Variants in TSHZ3 observed in about 807,000 individuals in gnomAD.
TSHZ3 encodes teashirt homolog 3.
A neutral mutation model predicts 64.5 loss-of-function variants in TSHZ3; 10 were observed. That is an observed-to-expected ratio of 0.16 (90% CI 0.10 to 0.26). The LOEUF is 0.26. Ranked by LOEUF, TSHZ3 falls within the 10% of genes least tolerant of loss-of-function variation. The probability of loss-of-function intolerance (pLI) is 1.00; values close to 1 mark genes in which losing one functional copy is unlikely to be tolerated. For missense variants in TSHZ3, 1,242 were observed against 1,421.7 expected (o/e 0.87, Z 2.03); for synonymous variants, 608 against 593.1 (o/e 1.03, Z -0.36).
At chr19:31,286,359 GAAGCCC>G (rs1188822374) in intron 1 of TSHZ3, among the ~76,000 whole-genome samples, 1 of 152,168 alleles carries the variant, frequency 6.6e-6, no homozygotes, top group Non-Finnish European at 1.5e-5. Context: ...AACAACCTTG[GAAGCCC>G]ACATGATGGA....
At chr19:31,328,962 G>A (rs1916999900) in intron 1 of TSHZ3, among the ~76,000 whole-genome samples, 1 of 152,100 alleles carries the variant, frequency 6.6e-6, no homozygotes, top group Admixed American at 6.5e-5. Flanking sequence ...AATCTCACTT[G>A]CGGAAGAGTT....
intron 1 of TSHZ3, among the ~76,000 whole-genome samples, chr19:31,284,030 A>G (rs1356635901): frequency 6.6e-6 from 1 of 152,112 alleles, no homozygotes; most frequent in Non-Finnish European, 1.5e-5. Context: ...ATCACATGTG[A>G]CCTTGGGAAA....
chr19:31,339,120 C>A (rs1475452816), intron 1 of TSHZ3, among the ~76,000 whole-genome samples: 1 of 151,918 alleles, frequency 6.6e-6, no homozygotes, highest in East Asian at 1.9e-4. Flanking sequence ...AAGTCAGGAG[C>A]CCTGAGATTC....
chr19:31,223,953 C>T lies in TSHZ3; in HGVS notation n.686+4052G>A, dbSNP rs528789861. 8.9e-4 allele frequency among the ~76,000 whole-genome samples: 135 copies of T among 152,268 alleles called. No individual in the cohort carries two copies. In the South Asian group the frequency reaches 0.012, roughly 14 times the overall value. On this transcript the variant is annotated intron_variant and non_coding_transcript_variant, in intron 4 of 6. Transcript: ENST00000651361. Reference sequence around the variant, plus strand: ...GTGTTTACTCAGAGGAGGCTACTTGCGTCCAACTCCTTGCAGCTCTAACAT... The same window carrying T: ...GTGTTTACTCAGAGGAGGCTACTTGTGTCCAACTCCTTGCAGCTCTAACAT...
At chr19:31,262,361 T>C (rs1975991150) in intron 1 of TSHZ3, among the ~76,000 whole-genome samples, 1 of 152,224 alleles carries the variant, frequency 6.6e-6, no homozygotes, top group South Asian at 2.1e-4. Flanking sequence ...ATGTCTTGCT[T>C]CTTTTTCCAC....
chr19:31,228,778 A>G (rs1340863221), intron 3 of TSHZ3, among the ~76,000 whole-genome samples: 2 of 152,308 alleles, frequency 1.3e-5, no homozygotes, highest in Non-Finnish European at 2.9e-5. Flanking sequence ...GAGCCTGCAC[A>G]GAAGGATTGT....
At chr19:31,172,904 AG>A (rs1180564938) in intron 5 of TSHZ3, among the ~76,000 whole-genome samples, 1 of 152,210 alleles carries the variant, frequency 6.6e-6, no homozygotes, top group Non-Finnish European at 1.5e-5. Context: ...GCACAGCAGT[AG>A]GTCAGTGGGA....
At chr19:31,165,049 C>T (rs1785835904) in intron 5 of TSHZ3, among the ~76,000 whole-genome samples, 1 of 152,234 alleles carries the variant, frequency 6.6e-6, no homozygotes, top group Non-Finnish European at 1.5e-5. Context: ...TGTTCCTGCT[C>T]TGTGCAGGGA....
intron 1 of TSHZ3, among the ~76,000 whole-genome samples, chr19:31,291,083 C>T (rs56066850): frequency 1.3e-5 from 2 of 152,132 alleles, no homozygotes; most frequent in Non-Finnish European, 2.9e-5. Context: ...TAGCACAGCC[C>T]GAGTGGCCAG....
chr19:31,242,263 G>T (rs1381174571), intron 3 of TSHZ3, among the ~76,000 whole-genome samples: 1 of 152,120 alleles, frequency 6.6e-6, no homozygotes, highest in South Asian at 2.1e-4. Context: ...AAGGGAATTG[G>T]CTCACATGAT....
intron 4 of TSHZ3, among the ~76,000 whole-genome samples, chr19:31,209,480 C>A (rs112573079): frequency 2.6e-5 from 4 of 152,304 alleles, no homozygotes; most frequent in Admixed American, 1.3e-4. Flanking sequence ...AGTCTCATAA[C>A]CCACCCTAAG....
intron 1 of TSHZ3, among the ~76,000 whole-genome samples, chr19:31,312,082 C>T (rs946148994): frequency 2.0e-5 from 3 of 152,138 alleles, no homozygotes; most frequent in Admixed American, 6.6e-5. Flanking sequence ...TCTCAGTTTC[C>T]CCATCTGTAA....
chr19:31,217,095 C>T (rs1036328228), intron 4 of TSHZ3, among the ~76,000 whole-genome samples: 4 of 152,106 alleles, frequency 2.6e-5, no homozygotes, highest in South Asian at 2.1e-4. Flanking sequence ...CACCGCACCC[C>T]GCCCAGGAGG....
At chr19:31,216,249 G>T (rs1410923278) in intron 4 of TSHZ3, among the ~76,000 whole-genome samples, 1 of 151,884 alleles carries the variant, frequency 6.6e-6, no homozygotes, top group Non-Finnish European at 1.5e-5. Context: ...AGGCCTTTTT[G>T]GGGGGGCTCC....
At chr19:31,217,407 T>C (rs1975348743) in intron 4 of TSHZ3, among the ~76,000 whole-genome samples, 2 of 152,092 alleles carry the variant, frequency 1.3e-5, no homozygotes, top group African/African-American at 2.4e-5. Context: ...AAACATTTAT[T>C]TAAAGTGCAA....
Position 31,278,735 on chromosome 19 carries a change from T to C in TSHZ3, c.1058A>G (p.Gln353Arg). ...CGTGATGTAAGGGTTGGAGTTCTTC[T>C]GAAGTGCATCGTTGGTGTCTGAGAT... ...ATISDTNDAL[Q>R]KNSNPYITPN... is the part of the protein sequence containing the mutation. The change falls in exon 2 of 2, where the codon CAG becomes CGG. Residue 353 changes from glutamine (Q) to arginine (R), a missense_variant. This residue lies in a region of TSHZ3 where 555 missense variants were observed against 704.0 expected (regional missense o/e 0.79). Transcript: ENST00000240587. The surrounding 1 kb of genome is among the most constrained non-coding windows in gnomAD (Gnocchi z 4.7). 6 of 1,614,210 alleles carry C rather than the reference T, an allele frequency of 3.7e-6. No individual in the cohort carries two copies. The highest frequency in any genetic ancestry group is 5.1e-6 in the Non-Finnish European group (6 of 1,180,040).
intron 3 of TSHZ3, among the ~76,000 whole-genome samples, chr19:31,233,728 C>T (rs937943306): frequency 2.0e-5 from 3 of 152,120 alleles, no homozygotes; most frequent in African/African-American, 7.2e-5. Context: ...TGCTCCGAAC[C>T]TACGACTCAT....
chr19:31,309,310 G>A (rs1366725852), intron 1 of TSHZ3, among the ~76,000 whole-genome samples: 1 of 152,160 alleles, frequency 6.6e-6, no homozygotes, highest in Non-Finnish European at 1.5e-5. Context: ...AAGAGAGAGA[G>A]GGAGTAGATT....
intron 1 of TSHZ3, among the ~76,000 whole-genome samples, chr19:31,333,465 C>G (rs1376790428): frequency 1.3e-5 from 2 of 152,148 alleles, no homozygotes; most frequent in African/African-American, 2.4e-5. Context: ...CGGCCCTTTT[C>G]ACCCGCATAT....
Sources: allele counts gnomAD v4.1 joint callset (sites outside exome capture counted in the v4.1 genomes callset), GRCh38; gene constraint gnomAD v4.1.1; regional missense constraint gnomAD v4.1.1; non-coding constraint Gnocchi (gnomAD v3.1); transcripts MANE v1.5; gene names NCBI Gene and HGNC (gene_info 2026-07-23, HGNC 2026-07-21).